Variants in GNB1 observed in about 807,000 individuals in gnomAD.
The protein encoded by GNB1 is G protein subunit beta 1.
GNB1 carries 2 observed loss-of-function variants against 42.9 expected under a neutral mutation model. The observed-to-expected ratio is 0.05, with a 90% CI of 0.02 to 0.15. The LOEUF (loss-of-function observed/expected upper bound fraction) is 0.15, where lower values mean the gene tolerates loss of function less well. GNB1 is among the 10% of genes least tolerant of loss of function. The pLI, the probability that GNB1 is intolerant of heterozygous loss-of-function variation, is 1.00. For missense variants in GNB1, 193 were observed against 462.2 expected, an observed-to-expected ratio of 0.42 and a Z score of 5.34; for synonymous variants, 183 against 174.7, an observed-to-expected ratio of 1.05 and a Z score of -0.38.
chr1:1,798,613 A>T (rs1271242689), intron 7 of GNB1, among the ~76,000 whole-genome samples: 2 of 152,218 alleles, frequency 1.3e-5, no homozygotes, highest in African/African-American at 4.8e-5. Context: ...GTATGCAAAG[A>T]ACAAAGCTCT....
chr1:1,819,461 T>A (rs908361633), intron 3 of GNB1, among the ~76,000 whole-genome samples: 1 of 152,142 alleles, frequency 6.6e-6, no homozygotes, highest in Admixed American at 6.5e-5. Context: ...CCTCAGGTGA[T>A]CCGCTCATCT....
At chr1:1,857,979 G>A (rs1222199463) in intron 1 of GNB1, among the ~76,000 whole-genome samples, 2 of 152,124 alleles carry the variant, frequency 1.3e-5, no homozygotes, top group Non-Finnish European at 2.9e-5. Flanking sequence ...CAAAAGACAA[G>A]GCCACGGGTA....
intron 7 of GNB1, among the ~76,000 whole-genome samples, chr1:1,800,572 A>G (rs1270452600): frequency 6.6e-6 from 1 of 152,212 alleles, no homozygotes; most frequent in Non-Finnish European, 1.5e-5. Flanking sequence ...ATGCGTGTGT[A>G]TTGCAGCACA....
chr1:1,825,644 C>T, intron 2 of GNB1, 145 bp from the exon 3 acceptor site: 1 of 546,796 alleles, frequency 1.8e-6, no homozygotes, highest in Non-Finnish European at 3.4e-6. Flanking sequence ...GCGGGCAGAT[C>T]ACGAGGTCAG....
intron 2 of GNB1, among the ~76,000 whole-genome samples, chr1:1,836,856 C>CT (rs35131919): frequency 0.013 from 1,576 of 120,152 alleles, 19 homozygotes; most frequent in South Asian, 0.022. Flanking sequence ...CGACTGCTAA[C>CT]TTTTTTTTTT....
At chr1:1,882,898 G>A (rs1298493572) in intron 1 of GNB1, among the ~76,000 whole-genome samples, 1 of 151,570 alleles carries the variant, frequency 6.6e-6, no homozygotes, top group East Asian at 1.9e-4. Context: ...TCCAGCCTGG[G>A]TGACAGGGCA....
rs1386422733 is a variant in GNB1 at position 1,786,180 on chromosome 1, A to G, written c.*883T>C. The stretch of plus-strand genomic sequence containing the variant: ...AGCACAGGACAGGCATCTCTCTTGA[A>G]AACAGAGGTTCCTCCTAGTTGGGGG... On this transcript the variant is annotated 3_prime_UTR_variant, in exon 12 of 12. Coordinates refer to ENST00000378609, the MANE Select transcript of GNB1 (RefSeq NM_002074.5). 1.3e-5 allele frequency: 5 copies of G among 398,048 alleles called. No individual in the cohort carries two copies. The South Asian group carries it at 5.2e-4, about 42-fold the overall frequency. 24.7% of individuals were successfully genotyped at this position (398,048 alleles called of 1,614,324 possible).
intron 2 of GNB1, among the ~76,000 whole-genome samples, chr1:1,833,666 G>A (rs993681722): frequency 1.4e-4 from 22 of 152,340 alleles, no homozygotes; most frequent in Admixed American, 1.2e-3. Context: ...CACAGTCACT[G>A]CGAACGGGTG....
chr1:1,794,445 T>C (rs115411974), intron 7 of GNB1, among the ~76,000 whole-genome samples: 1 of 152,262 alleles, frequency 6.6e-6, no homozygotes, highest in Non-Finnish European at 1.5e-5. Flanking sequence ...GTGCCCAGGA[T>C]TGGTGACAGA....
chr1:1,843,577 T>C (rs1417448481), intron 1 of GNB1, among the ~76,000 whole-genome samples: 2 of 152,086 alleles, frequency 1.3e-5, no homozygotes, highest in Admixed American at 6.6e-5. Context: ...TGACTCAAGA[T>C]TGGAGTAAGG....
intron 3 of GNB1, 152 bp from the exon 4 acceptor site, chr1:1,818,027 C>T: frequency 1.6e-6 from 1 of 626,236 alleles, no homozygotes; most frequent in Non-Finnish European, 2.9e-6. Flanking sequence ...CATCTCAACA[C>T]CCCATGGTCT....
chr1:1,855,473 G>A (rs575706251), intron 1 of GNB1, among the ~76,000 whole-genome samples: 6 of 152,082 alleles, frequency 3.9e-5, no homozygotes, highest in South Asian at 2.1e-4. Flanking sequence ...AGGCCGAGGC[G>A]GGCGGATCAC....
At chr1:1,854,050 G>A (rs1648129915) in intron 1 of GNB1, among the ~76,000 whole-genome samples, 1 of 152,226 alleles carries the variant, frequency 6.6e-6, no homozygotes, top group Admixed American at 6.5e-5. Flanking sequence ...GCTCAGGGGA[G>A]TCCGTAGGAA....
At position 1,785,735 on chromosome 1, in the gene GNB1, C is replaced by T. The variant is rs1570612472; in HGVS notation, c.*1328G>A. On this transcript the variant is annotated 3_prime_UTR_variant, in exon 12 of 12. Coordinates refer to ENST00000378609, the MANE Select transcript of GNB1 (RefSeq NM_002074.5). ...AATCCATATAGGAGGGCAGGCTCTT[C>T]ACTCCCTCTCCCTCCCTCTCTCTCC... 2.8e-6 allele frequency: 1 copy of T among 355,308 alleles called. No homozygotes were observed. Among genetic ancestry groups the T allele is most frequent in the East Asian group, 4.0e-5 (1 of 24,814 alleles). The allele number at this position is 355,308 out of a possible 1,614,324, so 22.0% of individuals were successfully genotyped here.
At position 1,786,777 on chromosome 1, in the gene GNB1, A is replaced by G. The variant is rs1646412264; in HGVS notation, c.*286T>C. 6.6e-6 allele frequency: 1 copy of G among 152,438 alleles called. No homozygotes were observed. The highest frequency in any genetic ancestry group is 2.1e-4 in the South Asian group (1 of 4,832). 9.4% of individuals were successfully genotyped at this position (152,438 alleles called of 1,614,324 possible). On this transcript the variant is annotated 3_prime_UTR_variant, in exon 12 of 12. Coordinates refer to ENST00000378609, the MANE Select transcript of GNB1 (RefSeq NM_002074.5). ...ACCTTCTGGTTAACATTTTTATTAT[A>G]TATTTCCTTTTAAAATTCATTCAAG...
intron 1 of GNB1, among the ~76,000 whole-genome samples, chr1:1,860,706 C>CT (rs1570728287): frequency 6.6e-6 from 1 of 151,546 alleles, no homozygotes; most frequent in Admixed American, 6.6e-5. Context: ...GAGCAAGACT[C>CT]TGTCTCAAAA....
chr1:1,857,580 T>C (rs1648375862), intron 1 of GNB1, among the ~76,000 whole-genome samples: 1 of 151,898 alleles, frequency 6.6e-6, no homozygotes, highest in Non-Finnish European at 1.5e-5. Flanking sequence ...AAAGGGACAA[T>C]GGGTGGAGTA....
intron 2 of GNB1, among the ~76,000 whole-genome samples, chr1:1,833,789 T>G (rs1647108023): frequency 6.6e-6 from 1 of 152,172 alleles, no homozygotes; most frequent in Non-Finnish European, 1.5e-5. Context: ...ACACAACTGT[T>G]CTTGTTTGAG....
At chr1:1,824,672 A>T (rs1646973780) in intron 3 of GNB1, among the ~76,000 whole-genome samples, 1 of 151,974 alleles carries the variant, frequency 6.6e-6, no homozygotes, top group African/African-American at 2.4e-5. Context: ...TCCCGGGTTC[A>T]AGGGATTCTC....
Sources: allele counts gnomAD v4.1 joint callset (sites outside exome capture counted in the v4.1 genomes callset), GRCh38; gene constraint gnomAD v4.1.1; transcripts MANE v1.5; gene names NCBI Gene and HGNC (gene_info 2026-07-23, HGNC 2026-07-21).